ABCC11: variants seen among roughly 807,000 people sequenced by gnomAD.
The protein encoded by ABCC11 is ATP binding cassette subfamily C member 11, also known as ATP-binding cassette sub-family C member 11.
ABCC11 carries 135 observed loss-of-function variants against 149.3 expected under a neutral mutation model. That is an observed-to-expected ratio of 0.90 (90% CI 0.79 to 1.04). The LOEUF is 1.04. Ranked by LOEUF, ABCC11 falls within the 50% of genes least tolerant of loss-of-function variation. ABCC11 has a pLI of 0.00. For missense variants in ABCC11, 1,680 were observed against 1,722.1 expected, an observed-to-expected ratio of 0.98 and a Z score of 0.43; for synonymous variants, 665 against 671.4, an observed-to-expected ratio of 0.99 and a Z score of 0.15.
chr16:48,196,018 A>G (rs568802801), intron 18 of ABCC11, among the ~76,000 whole-genome samples: 45 of 152,338 alleles, frequency 3.0e-4, no homozygotes, highest in African/African-American at 1.1e-3. Context: ...AAACACTGAA[A>G]TAATGAGTAT....
At chr16:48,229,609 C>T (rs867104180) in intron 3 of ABCC11, among the ~76,000 whole-genome samples, 4 of 148,832 alleles carry the variant, frequency 2.7e-5, no homozygotes, top group Admixed American at 6.6e-5. Context: ...GGACTACAGG[C>T]GCCTGCCACC....
At chr16:48,176,199 G>A (rs887117728) in intron 25 of ABCC11, among the ~76,000 whole-genome samples, 4 of 152,224 alleles carry the variant, frequency 2.6e-5, no homozygotes, top group African/African-American at 4.8e-5. Flanking sequence ...TGCAGTGCAG[G>A]AGTGCTGAGG....
intron 15 of ABCC11, among the ~76,000 whole-genome samples, chr16:48,199,408 A>T (rs1216987367): frequency 6.6e-6 from 1 of 152,060 alleles, no homozygotes; most frequent in East Asian, 1.9e-4. Context: ...CCAAAAAAAA[A>T]TAGTAAAGCA....
At chr16:48,178,533 A>C in intron 24 of ABCC11, 64 bp downstream of exon 24, 1 of 1,492,450 alleles carries the variant, frequency 6.7e-7, no homozygotes, top group Non-Finnish European at 9.3e-7. Context: ...GGGCTTGTAG[A>C]GGTCACAGAA....
chr16:48,177,573 T>C (rs562528987), intron 24 of ABCC11, among the ~76,000 whole-genome samples: 1 of 152,284 alleles, frequency 6.6e-6, no homozygotes, highest in South Asian at 2.1e-4. Context: ...ACAACTTACT[T>C]AACGTAAGTT....
rs1967692025 is a variant in ABCC11, at chr16:48,199,000, C to T, written c.2083-725G>A. ...AGTGAGCTGAGATTGTACCATTGCA[C>T]TCCAGCCTAGGCAACAGAGTCAGAC... On this transcript the variant is annotated intron_variant, in intron 15 of 29. Transcript: ENST00000356608. Among the ~76,000 whole-genome samples the T allele has an allele frequency of 4.0e-5, 6 of 151,730 alleles. No individual in the cohort carries two copies. In the South Asian group the frequency reaches 1.2e-3, roughly 32 times the overall value.
chr16:48,206,099 T>G (rs1441241754), intron 12 of ABCC11, among the ~76,000 whole-genome samples: 3 of 152,142 alleles, frequency 2.0e-5, no homozygotes, highest in Non-Finnish European at 4.4e-5. Context: ...CGTGAACGTT[T>G]TTTCCTCTTA....
At chr16:48,174,733 T>TG (rs1349619748) in intron 26 of ABCC11, among the ~76,000 whole-genome samples, 3 of 152,174 alleles carry the variant, frequency 2.0e-5, no homozygotes, top group East Asian at 3.9e-4. Flanking sequence ...AGAAAGAATA[T>TG]GGTAGCCTGA....
At chr16:48,167,470 C>G (rs202020120) in intron 29 of ABCC11, 26 bp downstream of exon 29, 49 of 1,613,212 alleles carry the variant, frequency 3.0e-5, no homozygotes, top group Non-Finnish European at 4.0e-5. Flanking sequence ...CTCATCCTCC[C>G]ACCAGCCCAA....
At chr16:48,216,484 C>A (rs1013377068) in intron 6 of ABCC11, among the ~76,000 whole-genome samples, 197 bp from the exon 7 acceptor site, 2 of 152,150 alleles carry the variant, frequency 1.3e-5, no homozygotes, top group Non-Finnish European at 2.9e-5. Flanking sequence ...CCACTCTGAG[C>A]CTCAGCTTCT....
intron 12 of ABCC11, among the ~76,000 whole-genome samples, chr16:48,207,952 C>A (rs374210107): frequency 6.6e-6 from 1 of 152,134 alleles, no homozygotes; most frequent in Admixed American, 6.5e-5. Flanking sequence ...TTTCTCCCCC[C>A]ACATTTCTCT....
At chr16:48,175,147 G>T in intron 26 of ABCC11, 111 bp downstream of exon 26, 1 of 1,381,892 alleles carries the variant, frequency 7.2e-7, no homozygotes, top group African/African-American at 1.4e-5. Context: ...AGCAGGCCAA[G>T]GAGGCCTGGA....
intron 1 of ABCC11, among the ~76,000 whole-genome samples, chr16:48,245,155 C>T (rs900572213): frequency 6.6e-6 from 1 of 152,134 alleles, no homozygotes; most frequent in Non-Finnish European, 1.5e-5. Context: ...TTCTTCTATA[C>T]TCCCTGCCAC....
intron 19 of ABCC11, 75 bp downstream of exon 19, chr16:48,193,804 G>C (rs1331791380): frequency 4.9e-6 from 6 of 1,234,294 alleles, no homozygotes; most frequent in Non-Finnish European, 2.3e-6. Flanking sequence ...GGCTCTTGTG[G>C]TCTCAAGGAG....
intron 1 of ABCC11, among the ~76,000 whole-genome samples, chr16:48,242,110 C>A (rs1367580102): frequency 6.6e-6 from 1 of 152,156 alleles, no homozygotes; most frequent in Non-Finnish European, 1.5e-5. Flanking sequence ...GAACAGGCAA[C>A]CTACAGAATG....
chr16:48,243,276 C>T (rs982311462), intron 1 of ABCC11, among the ~76,000 whole-genome samples: 1 of 151,730 alleles, frequency 6.6e-6, no homozygotes, highest in Non-Finnish European at 1.5e-5. Flanking sequence ...TTGCGGGTGC[C>T]TGTAGTCCCC....
At chr16:48,199,113 G>A (rs1008457843) in intron 15 of ABCC11, among the ~76,000 whole-genome samples, 27 of 151,010 alleles carry the variant, frequency 1.8e-4, no homozygotes, top group African/African-American at 6.6e-4. Flanking sequence ...ATAATGTTGA[G>A]GGAAAAAATG....
At chr16:48,213,054 C>A (rs990440201) in intron 10 of ABCC11, among the ~76,000 whole-genome samples, 1 of 152,198 alleles carries the variant, frequency 6.6e-6, no homozygotes, top group African/African-American at 2.4e-5. Context: ...GGTCACTAGA[C>A]CTTCTAATCA....
At position 48,192,588 on chromosome 16, in the gene ABCC11, A is replaced by C. The variant is rs761322031; in HGVS notation, c.2638T>G (p.Ser880Ala). ...GTGACCTTGGTGAAAATCCCTGAGGAGCAGACCCCCACACAGATGAGGAGC... is the reference window on the plus strand; with the variant it reads ...GTGACCTTGGTGAAAATCCCTGAGGCGCAGACCCCCACACAGATGAGGAGC... ...ALLLICVGVCSSGIFTKVTRK... is the reference protein window; with the variant it reads ...ALLLICVGVCASGIFTKVTRK... The change falls in exon 20 of 30, where the codon TCC becomes GCC. Residue 880 changes from serine (S) to alanine (A), a missense_variant. Transcript: ENST00000356608. The C allele has an allele frequency of 8.7e-6, 14 of 1,614,110 alleles. No homozygotes were observed. Among genetic ancestry groups the C allele is most frequent in the Middle Eastern group, 3.3e-4 (2 of 6,084 alleles).
Sources: gnomAD v4.1 joint callset for allele counts (sites outside exome capture counted in the v4.1 genomes callset) on GRCh38, gnomAD v4.1.1 for gene constraint, MANE v1.5 for transcripts, NCBI Gene and HGNC (gene_info 2026-07-23, HGNC 2026-07-21) for gene names.